IL1RAP: variants seen among roughly 807,000 people sequenced by gnomAD.
The protein encoded by IL1RAP is interleukin-1 receptor accessory protein.
Under a neutral mutation model 60.7 loss-of-function variants are expected in IL1RAP, and 35 were observed. The ratio of observed to expected loss-of-function variants is 0.58; its 90% CI spans 0.44 to 0.76. The LOEUF is 0.76. IL1RAP is among the 30% of genes least tolerant of loss of function. The pLI is 0.00. For missense variants in IL1RAP, 572 were observed against 693.9 expected (o/e 0.82, Z 1.97); for synonymous variants, 268 against 250.9 (o/e 1.07, Z -0.64).
chr3:190,527,464 G>T (rs904166341), intron 1 of IL1RAP, among the ~76,000 whole-genome samples: 1 of 152,122 alleles, frequency 6.6e-6, no homozygotes, highest in African/African-American at 2.4e-5. Flanking sequence ...AGCAAATTTT[G>T]CAGCGTTGCA....
chr3:190,597,228 G>T (rs1352073237), intron 3 of IL1RAP, among the ~76,000 whole-genome samples: 1 of 152,142 alleles, frequency 6.6e-6, no homozygotes. Flanking sequence ...TGATTGACTT[G>T]TATTCAAATT....
intron 3 of IL1RAP, among the ~76,000 whole-genome samples, chr3:190,579,566 A>G (rs993104553): frequency 6.6e-6 from 1 of 152,120 alleles, no homozygotes; most frequent in African/African-American, 2.4e-5. Context: ...AGGGATTCCT[A>G]CCTTTTTATT....
intron 2 of IL1RAP, among the ~76,000 whole-genome samples, chr3:190,561,464 A>G (rs1194131921): frequency 6.6e-6 from 1 of 152,144 alleles, no homozygotes; most frequent in Non-Finnish European, 1.5e-5. Context: ...TGCCTTGGTG[A>G]CCTGACTCTT....
At chr3:190,557,252 A>T (rs1032712749) in intron 2 of IL1RAP, among the ~76,000 whole-genome samples, 1 of 152,006 alleles carries the variant, frequency 6.6e-6, no homozygotes, top group Non-Finnish European at 1.5e-5. Context: ...TTCACCTTCC[A>T]CTCACTGAAA....
rs969583593 is a variant in IL1RAP at position 190,645,822 on chromosome 3, G to A, written c.1325G>A (p.Arg442Gln). The A allele has an allele frequency of 1.9e-6, 3 of 1,613,216 alleles. No individual in the cohort carries two copies. Among genetic ancestry groups the A allele is most frequent in the South Asian group, 1.1e-5 (1 of 90,982 alleles). Residue 442 changes from arginine (R) to glutamine (Q), a missense_variant, in exon 11 of 12, where the codon CGA (arginine) becomes CAA (glutamine). By Grantham distance (43) the Arg-to-Gln change is conservative (BLOSUM62 1). Coordinates refer to ENST00000447382, the MANE Select transcript of IL1RAP (RefSeq NM_002182.4). The part of the protein sequence containing the change: ...EFGYKLCIFD[R>Q]DSLPGGIVTD... ...GGATACAAGCTGTGCATCTTTGACC[G>A]AGACAGTCTGCCTGGGGGAAGTAGG...
chr3:190,620,559 T>C (rs1316059879), intron 6 of IL1RAP, 119 bp downstream of exon 6: 6 of 874,940 alleles, frequency 6.9e-6, no homozygotes, highest in Non-Finnish European at 1.1e-5. Context: ...ATGTTTTTTG[T>C]TTACAGTACT....
In IL1RAP at chr3:190,604,150, A is replaced by G; in HGVS notation, c.87A>G (p.Leu29=). The part of the protein sequence containing the change: ...DASERCDDWG[L]DTMRQIQVFE... ...CAGAACGCTGCGATGACTGGGGACT[A>G]GACACCATGAGGCAAATCCAAGTGT... Residue 29 remains leucine (L), a synonymous_variant, in exon 4 of 12, where the codon CTA becomes CTG. Transcript: ENST00000447382. 1 of 1,613,930 alleles carries G rather than the reference A, an allele frequency of 6.2e-7. No homozygotes were observed.
chr3:190,604,941 C>T (rs1001034318), intron 4 of IL1RAP, among the ~76,000 whole-genome samples: 1 of 152,056 alleles, frequency 6.6e-6, no homozygotes, highest in South Asian at 2.1e-4. Context: ...ATATGTGGTT[C>T]GCATTATCAT....
intron 3 of IL1RAP, among the ~76,000 whole-genome samples, chr3:190,602,203 G>A (rs77337026): frequency 1.9e-3 from 282 of 152,250 alleles, no homozygotes; most frequent in African/African-American, 6.6e-3. Flanking sequence ...AGCTCAGAAA[G>A]AATTTAAAGA....
At chr3:190,547,403 G>C (rs900459524) in intron 1 of IL1RAP, among the ~76,000 whole-genome samples, 1 of 152,114 alleles carries the variant, frequency 6.6e-6, no homozygotes, top group African/African-American at 2.4e-5. Context: ...AAAAATTAGT[G>C]AAAGAAGCCA....
rs560822298 is a variant in IL1RAP, at chr3:190,590,973, C to T, written c.65-13155C>T. ...CTCTTGTGTTACTCAAGTTATCTTT[C>T]TGGGTATAGTTTGTAAAATCTTCTC... On this transcript the variant is annotated intron_variant, in intron 3 of 11. Transcript: ENST00000447382. Among the ~76,000 whole-genome samples, 8 of 152,246 alleles carry T rather than the reference C, an allele frequency of 5.3e-5. No individual in the cohort carries two copies. The South Asian group carries it at 1.7e-3, about 32-fold the overall frequency.
intron 9 of IL1RAP, among the ~76,000 whole-genome samples, chr3:190,641,679 G>A (rs545911355): frequency 6.6e-6 from 1 of 152,240 alleles, no homozygotes. Context: ...CTCTCTATTG[G>A]CATTTAACAA....
At chr3:190,607,609 A>G (rs1730450171) in intron 4 of IL1RAP, among the ~76,000 whole-genome samples, 1 of 152,038 alleles carries the variant, frequency 6.6e-6, no homozygotes, top group African/African-American at 2.4e-5. Context: ...ATAACAGAGA[A>G]GGCCTGCATG....
chr3:190,550,107 G>T (rs1263841742), intron 1 of IL1RAP, among the ~76,000 whole-genome samples: 2 of 152,080 alleles, frequency 1.3e-5, no homozygotes, highest in Non-Finnish European at 2.9e-5. Context: ...CATGAAACAG[G>T]GGGGGCTTAG....
chr3:190,583,059 G>A (rs1018629670), intron 3 of IL1RAP, among the ~76,000 whole-genome samples: 2 of 152,118 alleles, frequency 1.3e-5, no homozygotes, highest in African/African-American at 2.4e-5. Flanking sequence ...CCTAATCAGC[G>A]ACCTCTCAGG....
At chr3:190,594,744 G>A (rs1284301825) in intron 3 of IL1RAP, among the ~76,000 whole-genome samples, 4 of 152,170 alleles carry the variant, frequency 2.6e-5, no homozygotes, top group South Asian at 4.1e-4. Context: ...CCACAGATGC[G>A]GATGTCTGAC....
chr3:190,619,020 A>T (rs1731522847), intron 5 of IL1RAP, among the ~76,000 whole-genome samples: 1 of 152,090 alleles, frequency 6.6e-6, no homozygotes, highest in Non-Finnish European at 1.5e-5. Flanking sequence ...ATATGTGAAT[A>T]AAAAAAATTG....
chr3:190,525,438 C>G (rs888403187), intron 1 of IL1RAP, among the ~76,000 whole-genome samples: 1 of 152,196 alleles, frequency 6.6e-6, no homozygotes, highest in Non-Finnish European at 1.5e-5. Flanking sequence ...CTAGGTCAGA[C>G]TGGTCTTGCA....
At chr3:190,530,203 A>C (rs559853283) in intron 1 of IL1RAP, among the ~76,000 whole-genome samples, 2 of 152,296 alleles carry the variant, frequency 1.3e-5, no homozygotes, top group South Asian at 4.1e-4. Flanking sequence ...TAATATGTGA[A>C]TACATCATCA....
Sources: gnomAD v4.1 joint callset for allele counts (sites outside exome capture counted in the v4.1 genomes callset) on GRCh38, gnomAD v4.1.1 for gene constraint, MANE v1.5 for transcripts, NCBI Gene and HGNC (gene_info 2026-07-23, HGNC 2026-07-21) for gene names.